Variants in COLEC10 observed in about 807,000 individuals in gnomAD.
COLEC10 encodes the protein collectin-10.
In COLEC10, 22 loss-of-function variants were observed where a neutral mutation model predicts 28.4. That is an observed-to-expected ratio of 0.78 (90% confidence interval 0.55 to 1.11). The LOEUF (loss-of-function observed/expected upper bound fraction) is 1.11. COLEC10 is among the 50% of genes least tolerant of loss of function. COLEC10 has a pLI of 0.00. For synonymous variants in COLEC10, 125 were observed against 116.1 expected (o/e 1.08, Z -0.49); for missense variants, 361 against 344.1 (o/e 1.05, Z -0.39).
chr8:119,001,408 G>A (rs1417364251), intron 1 of COLEC10, among the ~76,000 whole-genome samples: 1 of 152,106 alleles, frequency 6.6e-6, no homozygotes, highest in African/African-American at 2.4e-5. Context: ...AAGGAGAAGA[G>A]AAGCTTCATG....
intron 3 of COLEC10, among the ~76,000 whole-genome samples, chr8:119,096,495 G>A (rs150916732): frequency 6.6e-6 from 1 of 150,618 alleles, no homozygotes; most frequent in East Asian, 1.9e-4. Flanking sequence ...GGAGCCTGAG[G>A]TGGGAGAATC....
intron 2 of COLEC10, among the ~76,000 whole-genome samples, chr8:119,052,431 A>G (rs780566244): frequency 6.6e-6 from 1 of 151,982 alleles, no homozygotes; most frequent in Non-Finnish European, 1.5e-5. Context: ...TAAAATGACA[A>G]CTCCTGCCAT....
chr8:119,080,618 C>A (rs931537152), intron 1 of COLEC10, among the ~76,000 whole-genome samples: 2 of 151,970 alleles, frequency 1.3e-5, no homozygotes, highest in Non-Finnish European at 2.9e-5. Context: ...CCATTTACAT[C>A]ATTTATTATT....
At chr8:119,022,570 T>C (rs1814118817) in intron 2 of COLEC10, among the ~76,000 whole-genome samples, 1 of 152,088 alleles carries the variant, frequency 6.6e-6, no homozygotes, top group Non-Finnish European at 1.5e-5. Flanking sequence ...TCCCAGGAAA[T>C]TATTTTGACC....
the COLEC10 span, among the ~76,000 whole-genome samples, chr8:118,970,928 T>C: frequency 1.3e-5 from 2 of 152,000 alleles, no homozygotes; most frequent in East Asian, 3.9e-4. Flanking sequence ...AGTCCATGCT[T>C]TTTCTTTGAA....
intron 2 of COLEC10, among the ~76,000 whole-genome samples, chr8:119,061,884 G>A (rs1422961546): frequency 6.6e-6 from 1 of 152,128 alleles, no homozygotes; most frequent in East Asian, 1.9e-4. Context: ...CAATAAGTTT[G>A]AGGGTTCCCA....
At chr8:118,986,696 G>A in the COLEC10 span, among the ~76,000 whole-genome samples, 1 of 152,218 alleles carries the variant, frequency 6.6e-6, no homozygotes, top group Non-Finnish European at 1.5e-5. Context: ...CAATAAAATA[G>A]TATTTCTCCA....
At chr8:118,978,528 T>TA in the COLEC10 span, among the ~76,000 whole-genome samples, 2 of 150,706 alleles carry the variant, frequency 1.3e-5, no homozygotes, top group African/African-American at 4.9e-5. Flanking sequence ...TTTTTTTCCT[T>TA]AAAAAACCTC....
the COLEC10 span, among the ~76,000 whole-genome samples, chr8:118,961,719 C>T: frequency 6.6e-6 from 1 of 152,144 alleles, no homozygotes; most frequent in Non-Finnish European, 1.5e-5. Flanking sequence ...GCTTTGGCGC[C>T]TGGGTGGCTG....
chr8:119,066,945 A>G (rs572074706), upstream of COLEC10, among the ~76,000 whole-genome samples: 5 of 152,310 alleles, frequency 3.3e-5, no homozygotes, highest in Non-Finnish European at 7.4e-5. Flanking sequence ...GTTTAAATGC[A>G]ATATAGCCTA....
intron 2 of COLEC10, among the ~76,000 whole-genome samples, chr8:119,054,339 T>A (rs1321546554): frequency 6.6e-6 from 1 of 152,096 alleles, no homozygotes; most frequent in Non-Finnish European, 1.5e-5. Flanking sequence ...ACTACTGTAT[T>A]TTAGGAATGC....
chr8:119,019,932 GA>G (rs1300710100), intron 2 of COLEC10, among the ~76,000 whole-genome samples: 2 of 152,040 alleles, frequency 1.3e-5, no homozygotes, highest in Admixed American at 6.6e-5. Context: ...TACTTTTGAA[GA>G]AAAAAAGTAT....
intron 3 of COLEC10, among the ~76,000 whole-genome samples, chr8:119,097,598 CT>C (rs1185695983): frequency 6.6e-6 from 1 of 151,734 alleles, no homozygotes; most frequent in African/African-American, 2.4e-5. Context: ...AATTTTGTAT[CT>C]TTTTTTAAAG....
chr8:119,058,944 T>G (rs1814807749), intron 2 of COLEC10, among the ~76,000 whole-genome samples: 1 of 152,076 alleles, frequency 6.6e-6, no homozygotes, highest in Non-Finnish European at 1.5e-5. Context: ...TTATTATTAT[T>G]ATTATGGCCA....
chr8:119,050,256 C>T (rs1415857992), intron 2 of COLEC10, among the ~76,000 whole-genome samples: 4 of 152,074 alleles, frequency 2.6e-5, no homozygotes, highest in Admixed American at 6.6e-5. Flanking sequence ...TCCATAGTAA[C>T]CAAACAGAAA....
At chr8:119,102,472 A>G in intron 4 of COLEC10, 71 bp downstream of exon 4, 1 of 1,277,982 alleles carries the variant, frequency 7.8e-7, no homozygotes, top group Non-Finnish European at 1.1e-6. Flanking sequence ...AAATAAATAT[A>G]TTTCAAATGA....
intron 2 of COLEC10, among the ~76,000 whole-genome samples, chr8:119,021,714 C>T (rs988269194): frequency 6.6e-6 from 1 of 152,140 alleles, no homozygotes; most frequent in Non-Finnish European, 1.5e-5. Context: ...GATCCATCAA[C>T]TCCAACAAGA....
At chr8:119,074,752 C>T (rs548972938) in intron 1 of COLEC10, among the ~76,000 whole-genome samples, 3 of 152,320 alleles carry the variant, frequency 2.0e-5, no homozygotes, top group African/African-American at 4.8e-5. Flanking sequence ...CTCTTCTCTT[C>T]GCTGATATTG....
intron 2 of COLEC10, among the ~76,000 whole-genome samples, chr8:119,012,733 C>G (rs1279055341): frequency 6.7e-6 from 1 of 150,330 alleles, no homozygotes; most frequent in African/African-American, 2.5e-5. Context: ...TTCATTTTAT[C>G]TAGGTTATCA....
Sources: allele counts gnomAD v4.1 joint callset (sites outside exome capture counted in the v4.1 genomes callset), GRCh38; gene constraint gnomAD v4.1.1; transcripts MANE v1.5; gene names NCBI Gene and HGNC (gene_info 2026-07-23, HGNC 2026-07-21).